Variants in MLANA observed in about 807,000 individuals in gnomAD.
The protein encoded by MLANA is melan-A, also known as melanoma antigen recognized by T-cells 1.
Under a neutral mutation model 15.7 loss-of-function variants are expected in MLANA, and 21 were observed. The ratio of observed to expected loss-of-function variants is 1.33; its 90% CI spans 0.95 to 1.92. The LOEUF (loss-of-function observed/expected upper bound fraction) is 1.92, where lower values mean the gene tolerates loss of function less well. Ranked by LOEUF, MLANA falls within the 40% of genes most tolerant of loss-of-function variation. The pLI, the probability that MLANA is intolerant of heterozygous loss-of-function variation, is 0.00. For missense variants in MLANA, 164 were observed against 143.8 expected (o/e 1.14, Z -0.72); for synonymous variants, 56 against 51.5 (o/e 1.09, Z -0.37).
chr9:5,907,378 G>A (rs1269082146), intron 4 of MLANA, among the ~76,000 whole-genome samples: 1 of 152,134 alleles, frequency 6.6e-6, no homozygotes, highest in Non-Finnish European at 1.5e-5. Context: ...AAGGGATAAA[G>A]TACCTATTAT....
At chr9:5,895,399 T>A (rs372804830) in intron 2 of MLANA, among the ~76,000 whole-genome samples, 3 of 151,846 alleles carry the variant, frequency 2.0e-5, no homozygotes, top group African/African-American at 4.8e-5. Flanking sequence ...TTTTTTTTAA[T>A]TTTTTTGCAT....
At chr9:5,891,409 G>C (rs1831649484) in intron 1 of MLANA, 1 of 152,160 alleles carries the variant, frequency 6.6e-6, no homozygotes, top group African/African-American at 2.4e-5. Flanking sequence ...TGGTGAGTTT[G>C]ACTTTCATTT....
rs549093217 is a variant in MLANA at position 5,891,992 on chromosome 9, CTGTT to C, written c.-25-454_-25-451del. ...AAACACACGTTATGTATCATAGCCT[CTGTT>C]TGTCTGTGGGATTGATATCCAACAA... On this transcript the variant is annotated intron_variant, in intron 1 of 4. Transcript: ENST00000381477. 7.9e-5 allele frequency among the ~76,000 whole-genome samples: 12 copies of C among 152,346 alleles called. No homozygotes were observed. In the South Asian group the frequency reaches 2.3e-3, roughly 29 times the overall value.
chr9:5,898,637 G>T (rs1473146251), intron 3 of MLANA, among the ~76,000 whole-genome samples: 1 of 152,158 alleles, frequency 6.6e-6, no homozygotes, highest in African/African-American at 2.4e-5. Context: ...GGGGTTTGAG[G>T]TTCCCTTATA....
At chr9:5,892,386 T>C in intron 1 of MLANA, 64 bp from the exon 2 acceptor site, 1 of 1,219,078 alleles carries the variant, frequency 8.2e-7, no homozygotes. Flanking sequence ...TTGTGGGTCT[T>C]TATGAGATGA....
At position 5,900,507 on chromosome 9, in the gene MLANA, T is replaced by C. The variant is rs550415520; in HGVS notation, c.174+2854T>C. Among the ~76,000 whole-genome samples, 174 of 152,352 alleles carry C rather than the reference T, an allele frequency of 1.1e-3. 1 individual carries two copies. The highest frequency in any genetic ancestry group is 4.1e-3 in the African/African-American group (170 of 41,572). ...TTAAGTATTGCATTTAATTACATAATTACCTCCCTTTCTGTCTTCAGTGAT... is the reference window on the plus strand; with the variant it reads ...TTAAGTATTGCATTTAATTACATAACTACCTCCCTTTCTGTCTTCAGTGAT... On this transcript the variant is annotated intron_variant, in intron 3 of 4. Transcript: ENST00000381477.
rs558970672 is a variant in MLANA, at chr9:5,894,701, G to C, written c.77+2150G>C. Among the ~76,000 whole-genome samples, 7 of 152,292 alleles carry C rather than the reference G, an allele frequency of 4.6e-5. No individual in the cohort carries two copies. Among genetic ancestry groups the C allele is most frequent in the Admixed American group, 4.6e-4 (7 of 15,298 alleles). On this transcript the variant is annotated intron_variant, in intron 2 of 4. Coordinates refer to ENST00000381477, the MANE Select transcript of MLANA (RefSeq NM_005511.2). This position sits in a 1 kb window ranked among gnomAD's most constrained non-coding sequence, Gnocchi z 4.0. The stretch of plus-strand genomic sequence containing the variant: ...TACAGACAATGTGAGCATTGCTGGG[G>C]TGATCCTGACAGGAGCCAGAAGCAC...
chr9:5,891,489 C>T (rs1195096934), intron 1 of MLANA, among the ~76,000 whole-genome samples: 1 of 152,090 alleles, frequency 6.6e-6, no homozygotes, highest in South Asian at 2.1e-4. Flanking sequence ...GTGTCGAAAT[C>T]CCCACTCTTC....
At chr9:5,897,947 G>A in intron 3 of MLANA, 1 of 302,112 alleles carries the variant, frequency 3.3e-6, no homozygotes, top group Non-Finnish European at 6.4e-6. Context: ...TGGGAGGCTG[G>A]GAACTCCAAG....
At position 5,890,899 on chromosome 9, in the gene MLANA, G is replaced by A. The variant is rs989491132; in HGVS notation, c.-63G>A. On this transcript the variant is annotated 5_prime_UTR_variant, in exon 1 of 5. Transcript: ENST00000381477. ...AGCCAGAGAAGCAGTCTTCATACAC[G>A]CGGCCAGCCAGCAGACAGAGGACTC... is the stretch of plus-strand genomic sequence containing the variant. 2 of 152,138 alleles carry A rather than the reference G, an allele frequency of 1.3e-5. No individual in the cohort carries two copies. The highest frequency in any genetic ancestry group is 1.5e-5 in the Non-Finnish European group (1 of 68,032). The allele number at this position is 152,138 out of a possible 1,614,324, so 9.4% of individuals were successfully genotyped here.
intron 3 of MLANA, chr9:5,898,860 A>T (rs1439276176): frequency 6.6e-6 from 1 of 152,238 alleles, no homozygotes; most frequent in Non-Finnish European, 1.5e-5. Flanking sequence ...GCATCAGCAC[A>T]AAGGGTCACT....
rs1832971618 is a variant in MLANA at position 5,908,675 on chromosome 9, T to C, written c.324T>C (p.Ser108=). Residue 108 remains serine, a synonymous_variant, in exon 5 of 5, where the codon TCT becomes TCC. Coordinates refer to ENST00000381477, the MANE Select transcript of MLANA (RefSeq NM_005511.2). ...PNAPPAYEKL[S]AEQSPPPYSP ...CTCCACCTGCTTATGAGAAACTCTC[T>C]GCAGAACAGTCACCACCACCTTATT... 1.1e-5 allele frequency: 17 copies of C among 1,614,028 alleles called. No homozygotes were observed. Among genetic ancestry groups the C allele is most frequent in the Non-Finnish European group, 1.4e-5 (17 of 1,180,000 alleles).
Position 5,910,348 on chromosome 9 carries a change from A to G in MLANA, c.*1640A>G, listed in dbSNP as rs1255290225. On this transcript the variant is annotated 3_prime_UTR_variant, in exon 5 of 5. Transcript: ENST00000381477. ...AAGAAAACACAGGATAAAGAGATGT[A>G]TTACACACATCGAAAAAAACAACAT... is the stretch of plus-strand genomic sequence containing the variant. The G allele has an allele frequency of 6.6e-6, 1 of 152,254 alleles. No individual in the cohort carries two copies. 9.4% of individuals were successfully genotyped at this position (152,254 alleles called of 1,614,324 possible).
chr9:5,906,548 T>C (rs1415277491), intron 3 of MLANA, among the ~76,000 whole-genome samples: 3 of 152,254 alleles, frequency 2.0e-5, no homozygotes, highest in Admixed American at 6.5e-5. Context: ...TGCTTCACTA[T>C]TGATGGATAA....
intron 2 of MLANA, among the ~76,000 whole-genome samples, chr9:5,896,654 T>G (rs776666766): frequency 5.9e-5 from 9 of 152,238 alleles, no homozygotes; most frequent in Non-Finnish European, 1.2e-4. Context: ...CTGTCGATTT[T>G]GATCATGCTG....
chr9:5,897,559 C>G lies in MLANA; in HGVS notation c.80C>G (p.Ala27Gly), dbSNP rs1178157483. Residue 27 changes from alanine to glycine, a missense_variant and splice_region_variant, in exon 3 of 5, where the codon GCC becomes GGC. Transcript: ENST00000381477. Reference sequence around the variant, plus strand: ...GATTTGTCTATCTCTTGGGCCAGGGCCGCTGGGATCGGCATCCTGACAGTG... The same window carrying G: ...GATTTGTCTATCTCTTGGGCCAGGGGCGCTGGGATCGGCATCCTGACAGTG... The part of the protein sequence containing the change: ...HGHSYTTAEE[A>G]AGIGILTVIL... 1.2e-6 allele frequency: 2 copies of G among 1,613,882 alleles called. No individual in the cohort carries two copies. Among genetic ancestry groups the G allele is most frequent in the Non-Finnish European group, 8.5e-7 (1 of 1,179,850 alleles).
intron 3 of MLANA, among the ~76,000 whole-genome samples, chr9:5,904,995 A>G (rs1049271487): frequency 6.6e-6 from 1 of 151,444 alleles, no homozygotes; most frequent in Non-Finnish European, 1.5e-5. Flanking sequence ...GGATGGTCTC[A>G]ATCTCCTGAC....
intron 2 of MLANA, among the ~76,000 whole-genome samples, chr9:5,896,703 G>A (rs978551869): frequency 2.6e-5 from 4 of 152,158 alleles, no homozygotes; most frequent in African/African-American, 4.8e-5. Context: ...ATGCTTGCCC[G>A]GAGTGAACAG....
At chr9:5,893,433 C>T (rs115475576) in intron 2 of MLANA, among the ~76,000 whole-genome samples, 2,536 of 152,246 alleles carry the variant, frequency 0.017, 75 homozygotes, top group African/African-American at 0.059. Flanking sequence ...TAACAGTCAA[C>T]CGCAGGGACC....
Sources: gnomAD v4.1 joint callset for allele counts (sites outside exome capture counted in the v4.1 genomes callset) on GRCh38, gnomAD v4.1.1 for gene constraint, Gnocchi (gnomAD v3.1) non-coding constraint, MANE v1.5 for transcripts, NCBI Gene and HGNC (gene_info 2026-07-23, HGNC 2026-07-21) for gene names.